The following ADPGK variants were observed in gnomAD, a reference collection of about 807,000 sequenced individuals.
ADPGK encodes ADP-dependent glucokinase.
In ADPGK, 26 loss-of-function variants were observed where a neutral mutation model predicts 42.4. The ratio of observed to expected loss-of-function variants is 0.61; its 90% CI spans 0.45 to 0.85. ADPGK has a LOEUF of 0.85. Ranked by LOEUF, ADPGK falls within the 40% of genes least tolerant of loss-of-function variation. The pLI, the probability that ADPGK is intolerant of heterozygous loss-of-function variation, is 0.00. For synonymous variants in ADPGK, 267 were observed against 252.6 expected, an observed-to-expected ratio of 1.06 and a Z score of -0.54; for missense variants, 571 against 627.0, an observed-to-expected ratio of 0.91 and a Z score of 0.95.
intron 6 of ADPGK, among the ~76,000 whole-genome samples, chr15:72,754,412 G>A (rs2066087282): frequency 6.6e-6 from 1 of 152,228 alleles, no homozygotes; most frequent in African/African-American, 2.4e-5. Flanking sequence ...GCAAGGATAT[G>A]AGGGAACAAG....
Position 72,774,986 on chromosome 15 carries a change from C to A in ADPGK, c.345G>T (p.Leu115=). Residue 115 remains leucine, a synonymous_variant, in exon 2 of 7, where the codon CTG becomes CTT. Transcript: ENST00000456471. ...DHSILHSRND[L]EEAFIHFMGK... ...CCATGAAGTGAATGAAGGCTTCTTC[C>A]AGATCATTCCTTGAATGCAGAATGC... 1 of 1,614,134 alleles carries A rather than the reference C, an allele frequency of 6.2e-7. No homozygotes were observed. Among genetic ancestry groups the A allele is most frequent in the Admixed American group, 1.7e-5 (1 of 60,020 alleles).
At chr15:72,758,486 G>A in intron 4 of ADPGK, 1 of 328,048 alleles carries the variant, frequency 3.0e-6, no homozygotes, top group Non-Finnish European at 5.8e-6. Flanking sequence ...AGACAAGCTG[G>A]GAATGGATTT....
chr15:72,769,833 C>A (rs1038673066), intron 3 of ADPGK, among the ~76,000 whole-genome samples: 1 of 152,070 alleles, frequency 6.6e-6, no homozygotes, highest in Non-Finnish European at 1.5e-5. Context: ...CCAGTTTTAA[C>A]TTCTCCATGC....
chr15:72,753,798 A>G (rs920567121), intron 6 of ADPGK, among the ~76,000 whole-genome samples: 5 of 152,198 alleles, frequency 3.3e-5, no homozygotes, highest in East Asian at 3.8e-4. Context: ...TTAAGTAGAC[A>G]GTTACAGAGA....
chr15:72,767,849 G>T (rs956883063), intron 3 of ADPGK, among the ~76,000 whole-genome samples: 1 of 152,130 alleles, frequency 6.6e-6, no homozygotes, highest in Admixed American at 6.5e-5. Flanking sequence ...ACCCCTATAT[G>T]AGAAAACAGG....
Position 72,768,668 on chromosome 15 carries a change from G to GA in ADPGK, c.522+3114dup, listed in dbSNP as rs111875201. On this transcript the variant is annotated intron_variant, in intron 3 of 6. Transcript: ENST00000456471. ...TGGGCAGAGCGAGACTCCATCTTAA[G>GA]AAAAAAAAAAAATTGAAGAGAAGAT... Among the ~76,000 whole-genome samples, 1,292 of 140,728 alleles carry GA rather than the reference G, an allele frequency of 9.2e-3. 20 individuals are homozygous for GA. Among genetic ancestry groups the GA allele is most frequent in the African/African-American group, 0.029 (1,111 of 38,514 alleles). 92.3% of individuals were successfully genotyped at this position (140,728 alleles called of 152,430 possible).
At chr15:72,753,486 G>A (rs191742164) in intron 6 of ADPGK, among the ~76,000 whole-genome samples, 238 of 152,296 alleles carry the variant, frequency 1.6e-3, no homozygotes, top group Non-Finnish European at 2.5e-3. Context: ...GTCTGATGGG[G>A]AACCACAATA....
intron 3 of ADPGK, among the ~76,000 whole-genome samples, chr15:72,761,686 A>C (rs1054951148): frequency 6.7e-6 from 1 of 149,350 alleles, no homozygotes; most frequent in Non-Finnish European, 1.5e-5. Context: ...AGAGATTATC[A>C]GCACTGCTTC....
Position 72,755,883 on chromosome 15 carries a change from G to A in ADPGK, c.841-229C>T, listed in dbSNP as rs1044607777. On this transcript the variant is annotated intron_variant, in intron 5 of 6. Coordinates refer to ENST00000456471, the MANE Select transcript of ADPGK (RefSeq NM_001365225.1). ...CCATCAGGGATACAGAATCAGAGAT[G>A]GCAGTTCACTTCGACTGCTGTACGA... is the stretch of plus-strand genomic sequence containing the variant. 6.1e-6 allele frequency: 4 copies of A among 658,634 alleles called. No individual in the cohort carries two copies. In the African/African-American group the frequency reaches 7.1e-5, roughly 12 times the overall value. 40.8% of individuals were successfully genotyped at this position (658,634 alleles called of 1,614,324 possible). A position where few individuals can be genotyped will look rare whatever the true frequency, so the allele number is the denominator to read the frequency against.
At chr15:72,765,199 T>C (rs963515766) in intron 3 of ADPGK, among the ~76,000 whole-genome samples, 1 of 152,132 alleles carries the variant, frequency 6.6e-6, no homozygotes, top group Non-Finnish European at 1.5e-5. Context: ...GGCTGGAGTA[T>C]AGTGAGTGGC....
At chr15:72,768,437 C>T (rs2066285956) in intron 3 of ADPGK, among the ~76,000 whole-genome samples, 2 of 152,118 alleles carry the variant, frequency 1.3e-5, no homozygotes, top group African/African-American at 4.8e-5. Context: ...AAGGCTGAGG[C>T]AGGTGGATTA....
intron 2 of ADPGK, among the ~76,000 whole-genome samples, chr15:72,773,586 G>A (rs1407732085): frequency 6.6e-6 from 1 of 152,180 alleles, no homozygotes; most frequent in Non-Finnish European, 1.5e-5. Context: ...GCTAGATCAA[G>A]TTGCTGTAAA....
At position 72,752,347 on chromosome 15, in the gene ADPGK, G is replaced by C; in HGVS notation, c.1488C>G (p.His496Gln). Residue 496 changes from histidine to glutamine, a missense_variant, in exon 7 of 7, where the codon CAC becomes CAG. Coordinates refer to ENST00000456471, the MANE Select transcript of ADPGK (RefSeq NM_001365225.1). ...EGLFYSEVHPHY is the reference protein window; with the variant it reads ...EGLFYSEVHPQY ...ATTACCCCTAAGAATCTTCCTAATA[G>C]TGAGGGTGTACTTCCGAATAGAAGA... 5.6e-6 allele frequency: 9 copies of C among 1,610,780 alleles called. No individual in the cohort carries two copies. The highest frequency in any genetic ancestry group is 7.6e-6 in the Non-Finnish European group (9 of 1,177,614).
intron 1 of ADPGK, 149 bp from the exon 2 acceptor site, chr15:72,775,246 T>C (rs750573778): frequency 9.4e-6 from 6 of 640,342 alleles, no homozygotes; most frequent in Non-Finnish European, 1.6e-5. Flanking sequence ...AAACAGCACA[T>C]GGCAGGAGAA....
At chr15:72,759,621 A>G (rs1355614211) in intron 4 of ADPGK, among the ~76,000 whole-genome samples, 1 of 152,204 alleles carries the variant, frequency 6.6e-6, no homozygotes, top group Non-Finnish European at 1.5e-5. Context: ...TTCACTGAAG[A>G]GTATTAAGTG....
chr15:72,752,268 A>C lies in ADPGK; in HGVS notation c.*73T>G, dbSNP rs1025647297. On this transcript the variant is annotated 3_prime_UTR_variant, in exon 7 of 7. Coordinates refer to ENST00000456471, the MANE Select transcript of ADPGK (RefSeq NM_001365225.1). ...GCTTTTATTTCTTTGGCTGTCTTCC[A>C]AACCACTTTCTTCCTGTAATTCTTA... The C allele has an allele frequency of 6.9e-7, 1 of 1,452,480 alleles. No individual in the cohort carries two copies. The highest frequency in any genetic ancestry group is 1.4e-5 in the African/African-American group (1 of 70,642). The allele number at this position is 1,452,480 out of a possible 1,614,324, so 90.0% of individuals were successfully genotyped here. A position where few individuals can be genotyped will look rare whatever the true frequency, so the allele number is the denominator to read the frequency against.
At chr15:72,777,645 T>G (rs1369911980) in intron 1 of ADPGK, among the ~76,000 whole-genome samples, 3 of 151,680 alleles carry the variant, frequency 2.0e-5, no homozygotes, top group Non-Finnish European at 4.4e-5. Flanking sequence ...GCCATGGTAC[T>G]CCAGCCTGGG....
intron 1 of ADPGK, among the ~76,000 whole-genome samples, chr15:72,775,691 C>A (rs756392369): frequency 3.3e-5 from 5 of 152,150 alleles, no homozygotes; most frequent in African/African-American, 1.2e-4. Flanking sequence ...CTGAGTACTC[C>A]CAGCTGAAAC....
At chr15:72,783,251 T>A in intron 1 of ADPGK, 1 of 1,240,314 alleles carries the variant, frequency 8.1e-7, no homozygotes, top group East Asian at 3.2e-5. Flanking sequence ...CCTACCGGGA[T>A]GAGAGAAAGG....
Sources: allele counts gnomAD v4.1 joint callset (sites outside exome capture counted in the v4.1 genomes callset), GRCh38; gene constraint gnomAD v4.1.1; transcripts MANE v1.5; gene names NCBI Gene and HGNC (gene_info 2026-07-23, HGNC 2026-07-21).